MAJIN: variants seen among roughly 807,000 people sequenced by gnomAD.
MAJIN encodes membrane anchored junction protein.
Under a neutral mutation model 30.2 loss-of-function variants are expected in MAJIN, and 27 were observed. That is an observed-to-expected ratio of 0.89 (90% CI 0.66 to 1.23). The LOEUF is 1.23. MAJIN is among the 50% of genes most tolerant of loss of function. The pLI is 0.00. For synonymous variants in MAJIN, 78 were observed against 91.6 expected (o/e 0.85, Z 0.85); for missense variants, 253 against 260.3 (o/e 0.97, Z 0.19).
chr11:64,940,022 A>G (rs1945350617), intron 9 of MAJIN, among the ~76,000 whole-genome samples: 1 of 152,184 alleles, frequency 6.6e-6, no homozygotes, highest in Non-Finnish European at 1.5e-5. Flanking sequence ...TCTGGCTGGT[A>G]TGTCTTCACA....
At position 64,959,254 on chromosome 11, in the gene MAJIN, A is replaced by C. The variant is rs947268754; in HGVS notation, c.101+51T>G. On this transcript the variant is annotated intron_variant, in intron 3 of 10. Transcript: ENST00000301896. ...AAGAAGAGGTGACCTGTGGGAATGCACTAGCACTAACTGGTGTTTGCATAG... is the reference window on the plus strand; with the variant it reads ...AAGAAGAGGTGACCTGTGGGAATGCCCTAGCACTAACTGGTGTTTGCATAG... The C allele has an allele frequency of 2.1e-6, 3 of 1,438,618 alleles. No individual in the cohort carries two copies. In the African/African-American group the frequency reaches 4.2e-5, roughly 20 times the overall value. 89.1% of individuals were successfully genotyped at this position (1,438,618 alleles called of 1,614,324 possible).
At chr11:64,940,505 CA>C (rs1199832395) in intron 9 of MAJIN, 68 bp downstream of exon 9, 1 of 1,491,628 alleles carries the variant, frequency 6.7e-7, no homozygotes, top group Middle Eastern at 1.7e-4. Flanking sequence ...TGCTGCTCTA[CA>C]TATCAGAGAA....
At chr11:64,962,944 T>C (rs561016733) in intron 1 of MAJIN, among the ~76,000 whole-genome samples, 157 of 152,208 alleles carry the variant, frequency 1.0e-3, no homozygotes, top group Admixed American at 2.9e-3. Context: ...CTGGCCAATG[T>C]GGCGAAACCC....
intron 6 of MAJIN, among the ~76,000 whole-genome samples, chr11:64,948,274 C>T (rs1009376414): frequency 6.6e-6 from 1 of 151,940 alleles, no homozygotes; most frequent in Non-Finnish European, 1.5e-5. Context: ...TTCAAACTCT[C>T]TTCCTCCCCT....
chr11:64,943,249 TG>T (rs1945405067), intron 8 of MAJIN, among the ~76,000 whole-genome samples: 1 of 152,354 alleles, frequency 6.6e-6, no homozygotes, highest in Non-Finnish European at 1.5e-5. Context: ...GTTTCATTTC[TG>T]GGCCATTCAT....
At position 64,954,815 on chromosome 11, in the gene MAJIN, C is replaced by T; in HGVS notation, c.102-13G>A. 1.9e-6 allele frequency: 3 copies of T among 1,602,602 alleles called. No individual in the cohort carries two copies. Among genetic ancestry groups the T allele is most frequent in the Non-Finnish European group, 2.6e-6 (3 of 1,175,152 alleles). ...TATCTCTTCTCCTCTAGAAGGTAAA[C>T]AGACAAGAGACAAGTAAGACATGAA... is the stretch of plus-strand genomic sequence containing the variant. On this transcript the variant is annotated splice_polypyrimidine_tract_variant and intron_variant, in intron 3 of 10. Coordinates refer to ENST00000301896, the MANE Select transcript of MAJIN (RefSeq NM_001037225.3).
intron 1 of MAJIN, among the ~76,000 whole-genome samples, chr11:64,968,737 T>A (rs1178649271): frequency 6.7e-6 from 1 of 149,568 alleles, no homozygotes; most frequent in Non-Finnish European, 1.5e-5. Flanking sequence ...GAGGCTGAGG[T>A]GGGAGAATGG....
intron 8 of MAJIN, among the ~76,000 whole-genome samples, chr11:64,942,224 CT>C (rs988522954): frequency 2.0e-5 from 3 of 148,878 alleles, no homozygotes; most frequent in African/African-American, 7.4e-5. Flanking sequence ...GTGAAGAGTT[CT>C]TTTTTTTTTC....
At chr11:64,940,475 G>A in intron 9 of MAJIN, 99 bp downstream of exon 9, 4 of 1,246,602 alleles carry the variant, frequency 3.2e-6, no homozygotes, top group Non-Finnish European at 4.7e-6. Context: ...ACCCACTGAG[G>A]GCACCCAGAC....
intron 1 of MAJIN, among the ~76,000 whole-genome samples, chr11:64,960,597 G>T (rs1322916588): frequency 6.6e-6 from 1 of 152,058 alleles, no homozygotes; most frequent in Non-Finnish European, 1.5e-5. Flanking sequence ...TGCTTCCTGG[G>T]GTTATAAGGA....
chr11:64,966,764 T>C (rs1435917914), intron 1 of MAJIN, among the ~76,000 whole-genome samples: 1 of 150,888 alleles, frequency 6.6e-6, no homozygotes, highest in Non-Finnish European at 1.5e-5. Context: ...TGAAACCCAG[T>C]CCCTACTAAA....
At chr11:64,964,185 C>G (rs183579) in intron 1 of MAJIN, among the ~76,000 whole-genome samples, 70,370 of 152,014 alleles carry the variant, frequency 0.46, 18,740 homozygotes, top group Non-Finnish European at 0.62. Flanking sequence ...CTCAGGTGAT[C>G]TCCCTGCCTC....
rs1382415214 is a variant in MAJIN at position 64,947,400 on chromosome 11, G to A, written c.447C>T (p.Ser149=). 1 of 1,613,546 alleles carries A rather than the reference G, an allele frequency of 6.2e-7. No individual in the cohort carries two copies. Among genetic ancestry groups the A allele is most frequent in the Non-Finnish European group, 8.5e-7 (1 of 1,180,036 alleles). The change falls in exon 8 of 11, where the codon AGC becomes AGT. Residue 149 remains serine, a synonymous_variant. Coordinates refer to ENST00000301896, the MANE Select transcript of MAJIN (RefSeq NM_001037225.3). The part of the protein sequence containing the change: ...MRKRKHMDEP[S]SPSRPGLDRI... ...TGTCCAGCCCTGGCCTGCTGGGGGA[G>A]CTGGGCTCGTCCATGTGTTTTCGTT...
chr11:64,967,627 G>A (rs1001201722), intron 1 of MAJIN, among the ~76,000 whole-genome samples: 2 of 151,984 alleles, frequency 1.3e-5, no homozygotes, highest in East Asian at 1.9e-4. Context: ...AAAAAGCATG[G>A]CACTTTCAAA....
chr11:64,968,219 T>C (rs1945842161), intron 1 of MAJIN, among the ~76,000 whole-genome samples: 1 of 152,182 alleles, frequency 6.6e-6, no homozygotes, highest in South Asian at 2.1e-4. Context: ...CCAAGGATTT[T>C]ATAAAGGGGA....
intron 3 of MAJIN, among the ~76,000 whole-genome samples, chr11:64,956,351 T>C (rs1945631548): frequency 6.6e-6 from 1 of 151,654 alleles, no homozygotes; most frequent in Non-Finnish European, 1.5e-5. Flanking sequence ...TAGCTGGACG[T>C]GGTGGCGGGC....
chr11:64,954,283 C>T, intron 4 of MAJIN: 1 of 252,406 alleles, frequency 4.0e-6, no homozygotes, highest in South Asian at 4.4e-5. Flanking sequence ...GCTAGAGGAA[C>T]CGGGTAGAAA....
At chr11:64,971,282 C>A (rs1278923703) in intron 1 of MAJIN, among the ~76,000 whole-genome samples, 1 of 151,950 alleles carries the variant, frequency 6.6e-6, no homozygotes, top group Non-Finnish European at 1.5e-5. Context: ...CAAAAATTAG[C>A]CAGGAGTGGC....
At chr11:64,955,889 G>A (rs534891416) in intron 3 of MAJIN, among the ~76,000 whole-genome samples, 2 of 152,330 alleles carry the variant, frequency 1.3e-5, no homozygotes, top group South Asian at 4.1e-4. Context: ...GGTCAGGCCA[G>A]GCGCAGTGGC....
Sources: gnomAD v4.1 joint callset for allele counts (sites outside exome capture counted in the v4.1 genomes callset) on GRCh38, gnomAD v4.1.1 for gene constraint, MANE v1.5 for transcripts, NCBI Gene and HGNC (gene_info 2026-07-23, HGNC 2026-07-21) for gene names.